CTNNA2: variants seen among roughly 807,000 people sequenced by gnomAD.
The protein encoded by CTNNA2 is catenin alpha 2.
In CTNNA2, 42 loss-of-function variants were observed where a neutral mutation model predicts 101.0. The observed-to-expected ratio is 0.42, with a 90% CI of 0.32 to 0.54. The LOEUF is 0.54. Ranked by LOEUF, CTNNA2 falls within the 20% of genes least tolerant of loss-of-function variation. CTNNA2 has a pLI of 0.14. For synonymous variants in CTNNA2, 450 were observed against 456.4 expected (o/e 0.99, Z 0.18); for missense variants, 871 against 1,223.1 (o/e 0.71, Z 4.29).
chr2:79,429,240 CT>C lies in CTNNA2; in HGVS notation c.-135+55236del, dbSNP rs978993087. On this transcript the variant is annotated intron_variant, in intron 4 of 21. Transcript: ENST00000466387. The stretch of plus-strand genomic sequence containing the variant: ...AAGCAAAAAATAATGGGCTCGTGAA[CT>C]TTTTTTTTAATCTTGAAATTTTCTG... Among the ~76,000 whole-genome samples, 55 of 151,472 alleles carry C rather than the reference CT, an allele frequency of 3.6e-4. 1 individual carries two copies. The highest frequency in any genetic ancestry group is 2.1e-4 in the South Asian group (1 of 4,800).
At chr2:80,051,711 C>T (rs1380673558) in intron 7 of CTNNA2, among the ~76,000 whole-genome samples, 1 of 152,008 alleles carries the variant, frequency 6.6e-6, no homozygotes, top group Non-Finnish European at 1.5e-5. Flanking sequence ...CCCACAGAGG[C>T]CATTGCTCAT....
intron 1 of CTNNA2, among the ~76,000 whole-genome samples, chr2:79,189,298 T>C (rs1331009871): frequency 6.6e-6 from 1 of 152,242 alleles, no homozygotes; most frequent in Non-Finnish European, 1.5e-5. Context: ...AATCATTCGT[T>C]CTAGATGTGT....
chr2:79,270,164 A>C (rs184735421), intron 2 of CTNNA2, among the ~76,000 whole-genome samples: 1 of 152,210 alleles, frequency 6.6e-6, no homozygotes, highest in African/African-American at 2.4e-5. Context: ...GTTTCACAGG[A>C]AAAACATTGA....
At chr2:80,013,204 T>G (rs1214671442) in intron 7 of CTNNA2, among the ~76,000 whole-genome samples, 1 of 152,216 alleles carries the variant, frequency 6.6e-6, no homozygotes, top group Non-Finnish European at 1.5e-5. Flanking sequence ...CAAAGAGGCC[T>G]GCAAACCCCT....
chr2:79,228,114 G>A (rs183109197), intron 2 of CTNNA2, among the ~76,000 whole-genome samples: 29 of 152,230 alleles, frequency 1.9e-4, no homozygotes, highest in African/African-American at 6.7e-4. Context: ...TGTATTACAC[G>A]GTTTATAAGT....
At chr2:80,205,925 G>T (rs1374118) in intron 7 of CTNNA2, among the ~76,000 whole-genome samples, 16 of 152,054 alleles carry the variant, frequency 1.1e-4, no homozygotes, top group African/African-American at 1.7e-4. Context: ...AATTGATTCA[G>T]GACAATGCAT....
chr2:80,269,967 G>T (rs1306041475), intron 7 of CTNNA2, among the ~76,000 whole-genome samples: 3 of 152,196 alleles, frequency 2.0e-5, no homozygotes, highest in African/African-American at 4.8e-5. Flanking sequence ...CCTAGCAGGA[G>T]TCTCACCTAA....
At position 80,476,493 on chromosome 2, in the gene CTNNA2, C is replaced by A. The variant is rs374718927; in HGVS notation, c.1290+56892C>A. Among the ~76,000 whole-genome samples the A allele has an allele frequency of 2.7e-4, 41 of 152,204 alleles. 1 individual carries two copies. The South Asian group carries it at 8.5e-3, about 32-fold the overall frequency. ...AAACAAAGTGACAGAAGTAACATAG[C>A]ATCAAGAAGCAAAAAAAGCATTTTT... On this transcript the variant is annotated intron_variant, in intron 9 of 18. Coordinates refer to ENST00000402739, the MANE Select transcript of CTNNA2 (RefSeq NM_001282597.3).
intron 7 of CTNNA2, among the ~76,000 whole-genome samples, chr2:80,139,071 TG>T (rs1263338541): frequency 6.6e-6 from 1 of 152,170 alleles, no homozygotes; most frequent in African/African-American, 2.4e-5. Context: ...AAATTGCAAG[TG>T]AAAAGTATTG....
chr2:80,031,430 T>TACATTGATGGCAG (rs1424553904), intron 7 of CTNNA2, among the ~76,000 whole-genome samples: 1 of 152,186 alleles, frequency 6.6e-6, no homozygotes, highest in African/African-American at 2.4e-5. Context: ...AGTCACGTCT[T>TACATTGATGGCAG]ACATTGATGG....
intron 1 of CTNNA2, among the ~76,000 whole-genome samples, chr2:79,551,820 C>A (rs1208175668): frequency 6.6e-6 from 1 of 152,124 alleles, no homozygotes; most frequent in Non-Finnish European, 1.5e-5. Context: ...CACTTTTAAA[C>A]AACCAGATCT....
chr2:80,019,897 G>A (rs1015231031), intron 7 of CTNNA2, among the ~76,000 whole-genome samples: 1 of 152,068 alleles, frequency 6.6e-6, no homozygotes, highest in African/African-American at 2.4e-5. Context: ...GTCTCTGTAC[G>A]AGCAGACATT....
chr2:80,300,165 A>T lies in CTNNA2; in HGVS notation c.1057-93046A>T, dbSNP rs566842733. Among the ~76,000 whole-genome samples, 17 of 152,238 alleles carry T rather than the reference A, an allele frequency of 1.1e-4. No individual in the cohort carries two copies. In the South Asian group the frequency reaches 3.5e-3, roughly 32 times the overall value. On this transcript the variant is annotated intron_variant, in intron 7 of 18. Coordinates refer to ENST00000402739, the MANE Select transcript of CTNNA2 (RefSeq NM_001282597.3). ...ATCAAACAAAGCACCTCTCTTCTAG[A>T]ACACTAATAGTCTGAATGGGTGTCA...
chr2:80,037,889 A>G (rs1695773055), intron 7 of CTNNA2, among the ~76,000 whole-genome samples: 1 of 152,188 alleles, frequency 6.6e-6, no homozygotes, highest in Non-Finnish European at 1.5e-5. Context: ...AAAATCATTC[A>G]TTATATCTGA....
chr2:79,357,352 A>T (rs530820944), intron 3 of CTNNA2, among the ~76,000 whole-genome samples: 38 of 152,156 alleles, frequency 2.5e-4, no homozygotes, highest in Non-Finnish European at 5.3e-4. Flanking sequence ...AACTCAAGAG[A>T]TTCATATCAA....
At chr2:80,310,914 A>C (rs1677505841) in intron 7 of CTNNA2, among the ~76,000 whole-genome samples, 1 of 149,616 alleles carries the variant, frequency 6.7e-6, no homozygotes. Flanking sequence ...CGGATGTTGC[A>C]GTGATCTGAG....
At chr2:80,510,482 T>G (rs1271574584) in intron 9 of CTNNA2, among the ~76,000 whole-genome samples, 1 of 152,228 alleles carries the variant, frequency 6.6e-6, no homozygotes, top group Non-Finnish European at 1.5e-5. Context: ...TCTGATGAAG[T>G]CTTCCCATTC....
intron 7 of CTNNA2, among the ~76,000 whole-genome samples, chr2:80,126,263 G>C (rs2148886585): frequency 6.6e-6 from 1 of 152,230 alleles, no homozygotes; most frequent in South Asian, 2.1e-4. Flanking sequence ...CATCACAAGT[G>C]TTAGATTGGG....
chr2:79,589,922 C>G (rs62140067), intron 1 of CTNNA2, among the ~76,000 whole-genome samples: 13,964 of 152,124 alleles, frequency 0.092, 869 homozygotes, highest in African/African-American at 0.17. Flanking sequence ...AAAAGCAAAG[C>G]TTGGAGCTCC....
Sources: allele counts gnomAD v4.1 joint callset (sites outside exome capture counted in the v4.1 genomes callset), GRCh38; gene constraint gnomAD v4.1.1; transcripts MANE v1.5; gene names NCBI Gene and HGNC (gene_info 2026-07-23, HGNC 2026-07-21).